Variants in PPP6R1 observed in about 807,000 individuals in gnomAD.
The protein encoded by PPP6R1 is serine/threonine-protein phosphatase 6 regulatory subunit 1.
Under a neutral mutation model 104.6 loss-of-function variants are expected in PPP6R1, and 39 were observed. The ratio of observed to expected loss-of-function variants is 0.37; its 90% CI spans 0.29 to 0.49. The LOEUF is 0.49. Among genes scored for constraint, PPP6R1 ranks in the 20% least tolerant of loss-of-function variants. The pLI, the probability that PPP6R1 is intolerant of heterozygous loss-of-function variation, is 0.98. For missense variants in PPP6R1, 1,181 were observed against 1,155.8 expected (o/e 1.02, Z -0.32); for synonymous variants, 549 against 479.0 (o/e 1.15, Z -1.91).
intron 19 of PPP6R1, 61 bp from the exon 20 acceptor site, chr19:55,231,729 G>A (rs1568942610): frequency 4.6e-6 from 7 of 1,511,110 alleles, no homozygotes; most frequent in Non-Finnish European, 5.3e-6. Context: ...GCCTATGAGA[G>A]GACGGGGACC....
intron 1 of PPP6R1, chr19:55,255,802 C>A: frequency 6.5e-6 from 1 of 152,786 alleles, no homozygotes; most frequent in Non-Finnish European, 1.5e-5. Flanking sequence ...CAGGCCCCCA[C>A]ACAGACACCA....
intron 22 of PPP6R1, 36 bp downstream of exon 22, chr19:55,230,738 A>ACCCCCCCC: frequency 1.1e-6 from 1 of 925,652 alleles, no homozygotes; most frequent in Non-Finnish European, 1.6e-6. Flanking sequence ...CACCAGCCCC[A>ACCCCCCCC]CCCCCACCCC....
At chr19:55,252,581 T>A (rs2087562368) in intron 1 of PPP6R1, among the ~76,000 whole-genome samples, 1 of 152,108 alleles carries the variant, frequency 6.6e-6, no homozygotes, top group Admixed American at 6.5e-5. Flanking sequence ...TGTGTTTTTT[T>A]AGTAAAGACG....
At chr19:55,252,625 C>T (rs2122726936) in intron 1 of PPP6R1, among the ~76,000 whole-genome samples, 1 of 151,912 alleles carries the variant, frequency 6.6e-6, no homozygotes, top group Admixed American at 6.6e-5. Context: ...TGGTCTCGAA[C>T]TACTGACCTT....
At chr19:55,237,728 G>A (rs2087412091) in intron 15 of PPP6R1, among the ~76,000 whole-genome samples, 1 of 152,196 alleles carries the variant, frequency 6.6e-6, no homozygotes, top group African/African-American at 2.4e-5. Context: ...CCTAGACACT[G>A]AGAAGCAGCG....
intron 1 of PPP6R1, among the ~76,000 whole-genome samples, chr19:55,253,061 T>C (rs555964063): frequency 1.3e-5 from 2 of 152,136 alleles, no homozygotes; most frequent in Admixed American, 6.6e-5. Flanking sequence ...GGTTACCCCT[T>C]CCCCATCCCT....
chr19:55,253,373 G>A (rs1038649600), intron 1 of PPP6R1, among the ~76,000 whole-genome samples: 11 of 152,196 alleles, frequency 7.2e-5, no homozygotes, highest in East Asian at 3.9e-4. Flanking sequence ...CTGATTAAAG[G>A]GCACAGGCAT....
At chr19:55,243,592 G>A (rs142570457) in intron 5 of PPP6R1, among the ~76,000 whole-genome samples, 1 of 151,536 alleles carries the variant, frequency 6.6e-6, no homozygotes, top group Non-Finnish European at 1.5e-5. Context: ...TTGAGCCCAG[G>A]GGGGTCAAGG....
At chr19:55,240,592 T>A (rs982366903) in intron 10 of PPP6R1, among the ~76,000 whole-genome samples, 1 of 146,796 alleles carries the variant, frequency 6.8e-6, no homozygotes, top group Non-Finnish European at 1.5e-5. Context: ...TGCTCACACA[T>A]ACATGTTCAC....
Position 55,231,912 on chromosome 19 carries a change from C to T in PPP6R1, c.2196G>A (p.Glu732=), listed in dbSNP as rs779502016. Residue 732 remains glutamate, a synonymous_variant, in exon 19 of 24, where the codon GAG becomes GAA. Coordinates refer to ENST00000412770, the MANE Select transcript of PPP6R1 (RefSeq NM_014931.4). The stretch of plus-strand genomic sequence containing the variant: ...CTGGAGGCCCAGTGTGCAGCTCTTC[C>T]TCCCCGGAGACTCGGGGGCTGGTCG... ...DAPTSPRVSG[E]EELHTGPPAP... 2.6e-6 allele frequency: 4 copies of T among 1,543,374 alleles called. No homozygotes were observed. Among genetic ancestry groups the T allele is most frequent in the Admixed American group, 3.9e-5 (2 of 51,634 alleles).
rs1037961976 is a variant in PPP6R1 at position 55,258,488 on chromosome 19, C to T, written c.-60G>A. ...CTCGGGGCTCATCGGGGCGCCCCCC[C>T]CCGCCCCGCCGCCGGCGGCTCCGGC... On this transcript the variant is annotated 5_prime_UTR_variant, in exon 1 of 24. Transcript: ENST00000412770. The T allele has an allele frequency of 6.7e-6, 1 of 149,700 alleles. No homozygotes were observed. The highest frequency in any genetic ancestry group is 1.5e-5 in the Non-Finnish European group (1 of 66,968). 9.3% of individuals were successfully genotyped at this position (149,700 alleles called of 1,614,324 possible). A position where few individuals can be genotyped will look rare whatever the true frequency, so the allele number is the denominator to read the frequency against.
rs766414436 is a variant in PPP6R1 at position 55,240,968 on chromosome 19, T to C, written c.1273A>G (p.Ile425Val). ...PPPDSSPETP[I>V]QNPVVKHLLQ... The stretch of plus-strand genomic sequence containing the variant: ...ACATGTTTCACAACAGGGTTTTGGA[T>C]GGGCGTCTCAGGGCTGCTGTCAGGA... Residue 425 changes from isoleucine (I) to valine (V), a missense_variant, in exon 10 of 24, where the codon ATC becomes GTC. Around this residue, in one of 2 missense-constraint regions of PPP6R1, gnomAD observed 1,042 missense variants for 955.6 expected, o/e 1.09. Coordinates refer to ENST00000412770, the MANE Select transcript of PPP6R1 (RefSeq NM_014931.4). 3 of 1,604,780 alleles carry C rather than the reference T, an allele frequency of 1.9e-6. No homozygotes were observed. The highest frequency in any genetic ancestry group is 2.6e-6 in the Non-Finnish European group (3 of 1,176,250).
intron 1 of PPP6R1, among the ~76,000 whole-genome samples, chr19:55,256,955 G>A (rs1278736757): frequency 6.6e-6 from 1 of 152,098 alleles, no homozygotes; most frequent in South Asian, 2.1e-4. Flanking sequence ...ACTTACAGAC[G>A]AGGAACAACT....
At chr19:55,243,271 G>C (rs539352959) in intron 5 of PPP6R1, among the ~76,000 whole-genome samples, 137 of 152,182 alleles carry the variant, frequency 9.0e-4, no homozygotes, top group South Asian at 2.9e-3. Context: ...AAATTAGCCA[G>C]GCGCAGTGGT....
intron 1 of PPP6R1, among the ~76,000 whole-genome samples, chr19:55,252,691 C>A (rs767201693): frequency 6.6e-6 from 1 of 152,088 alleles, no homozygotes; most frequent in Non-Finnish European, 1.5e-5. Flanking sequence ...TGAATCACCA[C>A]GCCCGGCCTA....
rs942435449 is a variant in PPP6R1, at chr19:55,241,832, A to G, written c.846-193T>C. ...GAGCCCGCCAGGCGGCAGCATTGGCAGTCCACTGTGAGAGCACGGGTGAGG... is the reference window on the plus strand; with the variant it reads ...GAGCCCGCCAGGCGGCAGCATTGGCGGTCCACTGTGAGAGCACGGGTGAGG... On this transcript the variant is annotated intron_variant, in intron 7 of 23. Coordinates refer to ENST00000412770, the MANE Select transcript of PPP6R1 (RefSeq NM_014931.4). This position sits in a 1 kb window ranked among gnomAD's most constrained non-coding sequence, Gnocchi z 5.4. Among the ~76,000 whole-genome samples, 1 of 152,188 alleles carries G rather than the reference A, an allele frequency of 6.6e-6. No individual in the cohort carries two copies. Among genetic ancestry groups the G allele is most frequent in the African/African-American group, 2.4e-5 (1 of 41,454 alleles).
Position 55,246,877 on chromosome 19 carries a change from T to C in PPP6R1, c.227A>G (p.Lys76Arg), listed in dbSNP as rs2087513432. 1.3e-6 allele frequency: 2 copies of C among 1,591,256 alleles called. No individual in the cohort carries two copies. Among genetic ancestry groups the C allele is most frequent in the Admixed American group, 1.8e-5 (1 of 57,026 alleles). Residue 76 changes from lysine (K) to arginine (R), a missense_variant and splice_region_variant, in exon 2 of 24, where the codon AAG becomes AGG. Physicochemically the swap from Lys to Arg is conservative, Grantham distance 26. Transcript: ENST00000412770. ...GCTGGCCAGGAGCTGGGGAACTCAC[T>C]TGTAGCGCAGCCGCTCCTCACCGCT... ...PDSGEERLRYKYPSVACEILT... is the reference protein window; with the variant it reads ...PDSGEERLRYRYPSVACEILT...
At position 55,239,988 on chromosome 19, in the gene PPP6R1, G is replaced by A. The variant is rs1002748966; in HGVS notation, c.1477+11C>T. 13 of 1,607,086 alleles carry A rather than the reference G, an allele frequency of 8.1e-6. No homozygotes were observed. The highest frequency in any genetic ancestry group is 1.0e-5 in the Non-Finnish European group (12 of 1,177,154). The stretch of plus-strand genomic sequence containing the variant: ...CCCACCTAGCCCTCAGGCCGGCCTG[G>A]GGACCCTCACCCTTCAGCAGCTGCC... On this transcript the variant is annotated intron_variant, in intron 12 of 23. Coordinates refer to ENST00000412770, the MANE Select transcript of PPP6R1 (RefSeq NM_014931.4).
Position 55,239,880 on chromosome 19 carries a change from T to C in PPP6R1, c.1509A>G (p.Glu503=). Residue 503 remains glutamate, a synonymous_variant, in exon 13 of 24, where the codon GAA becomes GAG. Coordinates refer to ENST00000412770, the MANE Select transcript of PPP6R1 (RefSeq NM_014931.4). ...CCGCCAGGGGCCCCGATACGAAGGCTTCCCACTGCTCCTGCTGCTCGCTGG... is the reference window on the plus strand; with the variant it reads ...CCGCCAGGGGCCCCGATACGAAGGCCTCCCACTGCTCCTGCTGCTCGCTGG... ...ELPSEQQEQW[E]AFVSGPLAET... is the part of the protein sequence containing the mutation. 1 of 1,613,920 alleles carries C rather than the reference T, an allele frequency of 6.2e-7. No individual in the cohort carries two copies. Among genetic ancestry groups the C allele is most frequent in the Non-Finnish European group, 8.5e-7 (1 of 1,179,866 alleles).
Sources: allele counts gnomAD v4.1 joint callset (sites outside exome capture counted in the v4.1 genomes callset), GRCh38; gene constraint gnomAD v4.1.1; regional missense constraint gnomAD v4.1.1; non-coding constraint Gnocchi (gnomAD v3.1); transcripts MANE v1.5; gene names NCBI Gene and HGNC (gene_info 2026-07-23, HGNC 2026-07-21).